The following COL1A2 variants were observed in gnomAD, a reference collection of about 807,000 sequenced individuals.
COL1A2 encodes the protein collagen type I alpha 2 chain.
COL1A2 carries 49 observed loss-of-function variants against 174.3 expected under a neutral mutation model. That is an observed-to-expected ratio of 0.28 (90% CI 0.22 to 0.36). The LOEUF (loss-of-function observed/expected upper bound fraction) is 0.36. Ranked by LOEUF, COL1A2 falls within the 10% of genes least tolerant of loss-of-function variation. COL1A2 has a pLI of 1.00. For synonymous variants in COL1A2, 655 were observed against 606.6 expected (o/e 1.08, Z -1.17); for missense variants, 1,438 against 1,822.7 (o/e 0.79, Z 3.84).
chr7:94,428,594 C>A, intron 50 of COL1A2, 117 bp downstream of exon 50: 1 of 986,136 alleles, frequency 1.0e-6, no homozygotes, highest in Non-Finnish European at 1.5e-6. Context: ...AAGACCTGTT[C>A]CTTTCCTGGG....
chr7:94,411,338 A>C (rs988193930), intron 23 of COL1A2, among the ~76,000 whole-genome samples, 184 bp downstream of exon 23: 1 of 152,114 alleles, frequency 6.6e-6, no homozygotes, highest in African/African-American at 2.4e-5. Flanking sequence ...TTAGTTCATA[A>C]ATTTTCTATT....
At position 94,427,055 on chromosome 7, in the gene COL1A2, T is replaced by C; in HGVS notation, c.3153T>C (p.Gly1051=). 6.2e-7 allele frequency: 1 copy of C among 1,614,042 alleles called. No individual in the cohort carries two copies. The highest frequency in any genetic ancestry group is 8.5e-7 in the Non-Finnish European group (1 of 1,179,922). Residue 1051 remains glycine (G), a synonymous_variant, in exon 47 of 52, where the codon GGT becomes GGC. Transcript: ENST00000297268. The part of the protein sequence containing the change: ...QGAPGSVGPA[G]PRGPAGPSGP... ...CTCCTGGCTCCGTGGGTCCTGCTGG[T>C]CCTAGGGTAGGTGGACTCAAGAGAA... is the stretch of plus-strand genomic sequence containing the variant.
At chr7:94,400,967 G>A (rs1238073252) in intron 5 of COL1A2, among the ~76,000 whole-genome samples, 1 of 152,146 alleles carries the variant, frequency 6.6e-6, no homozygotes, top group South Asian at 2.1e-4. Flanking sequence ...GCATTAAAAA[G>A]CAGCTTCTTT....
In COL1A2 at chr7:94,412,598, C is replaced by T. The variant is rs543815305; in HGVS notation, c.1419C>T (p.Ile473=). ...TCTGCTTTCAGGGCCTCCCTGGCAT[C>T]GACGGCAGGCCTGGCCCAATTGGCC... is the stretch of plus-strand genomic sequence containing the variant. ...GKEGPVGLPG[I]DGRPGPIGPA... Residue 473 remains isoleucine (I), a synonymous_variant, in exon 25 of 52, where the codon ATC becomes ATT. Transcript: ENST00000297268. 1.2e-5 allele frequency: 19 copies of T among 1,613,770 alleles called. 1 individual carries two copies. The African/African-American group carries it at 1.3e-4, about 11-fold the overall frequency.
At chr7:94,407,401 T>C (rs1274570953) in intron 12 of COL1A2, among the ~76,000 whole-genome samples, 2 of 152,092 alleles carry the variant, frequency 1.3e-5, no homozygotes, top group East Asian at 1.9e-4. Context: ...AGATTGGAAA[T>C]AAATATGATG....
In COL1A2 at chr7:94,424,339, C is replaced by T. The variant is rs150179964; in HGVS notation, c.2569C>T (p.Pro857Ser). The T allele has an allele frequency of 5.3e-5, 85 of 1,613,738 alleles. No individual in the cohort carries two copies. The highest frequency in any genetic ancestry group is 7.2e-5 in the Non-Finnish European group (85 of 1,179,796). Reference sequence around the variant, plus strand: ...TCAGTATTTTTTCTCTATTTAGGGACCTCCTGGCACTCCAGGTCCTCAGGG... The same window carrying T: ...TCAGTATTTTTTCTCTATTTAGGGATCTCCTGGCACTCCAGGTCCTCAGGG... ...GPSGEAGTAG[P>S]PGTPGPQGLL... The change falls in exon 41 of 52, where the codon CCT (proline) becomes TCT (serine). Residue 857 changes from proline to serine, a missense_variant. Physicochemically the swap from Pro to Ser is moderately conservative, Grantham distance 74 (BLOSUM62 -1). This residue lies in a region of COL1A2 where 867 missense variants were observed against 1,213.7 expected (regional missense o/e 0.71). Transcript: ENST00000297268.
chr7:94,424,926 C>G, intron 41 of COL1A2, 191 bp from the exon 42 acceptor site: 1 of 625,476 alleles, frequency 1.6e-6, no homozygotes, highest in South Asian at 1.8e-5. Context: ...TTACATAAAG[C>G]TGGCCATCTA....
Position 94,426,950 on chromosome 7 carries a change from AAAAT to A in COL1A2, c.3106-56_3106-53del, listed in dbSNP as rs1286754154. The A allele has an allele frequency of 3.0e-5, 47 of 1,546,198 alleles. 1 individual carries two copies. Among genetic ancestry groups the A allele is most frequent in the Non-Finnish European group, 4.1e-5 (46 of 1,124,018 alleles). On this transcript the variant is annotated intron_variant, in intron 46 of 51. Transcript: ENST00000297268. Reference sequence around the variant, plus strand: ...TCCCATTCAATTTGGAAAAAAAAAAAAAATATGTCTCTTGACATGTGCTCTGAAA... The same window carrying A: ...TCCCATTCAATTTGGAAAAAAAAAAAATGTCTCTTGACATGTGCTCTGAAA...
At chr7:94,397,894 T>C (rs1422688373) in intron 2 of COL1A2, 136 bp downstream of exon 2, 1 of 580,178 alleles carries the variant, frequency 1.7e-6, no homozygotes. Flanking sequence ...AGAATTATGA[T>C]AGTCAAAACC....
intron 16 of COL1A2, 118 bp from the exon 17 acceptor site, chr7:94,409,204 A>G: frequency 1.0e-6 from 1 of 993,820 alleles, no homozygotes; most frequent in South Asian, 1.3e-5. Context: ...AACGGATAAG[A>G]AAAATAATTG....
In COL1A2 at chr7:94,419,971, A is replaced by C. The variant is rs192732005; in HGVS notation, c.2080-262A>C. Among the ~76,000 whole-genome samples, 572 of 152,350 alleles carry C rather than the reference A, an allele frequency of 3.8e-3. 8 individuals carry two copies. The highest frequency in any genetic ancestry group is 0.013 in the African/African-American group (540 of 41,580). ...AAATAGATCAGCCCCGTGTCCATCT[A>C]AAAATTAAAATGTCCTCCTCCTGGT... On this transcript the variant is annotated intron_variant, in intron 34 of 51. Coordinates refer to ENST00000297268, the MANE Select transcript of COL1A2 (RefSeq NM_000089.4).
intron 40 of COL1A2, chr7:94,423,319 C>A (rs550351072): frequency 4.8e-6 from 3 of 621,938 alleles, no homozygotes; most frequent in East Asian, 5.8e-5. Flanking sequence ...ATCGGGAAGA[C>A]AATAAATGAG....
intron 49 of COL1A2, 114 bp from the exon 50 acceptor site, chr7:94,428,179 G>A (rs1792323730): frequency 6.1e-6 from 6 of 980,986 alleles, no homozygotes; most frequent in South Asian, 1.3e-5. Flanking sequence ...TTAAATATGG[G>A]GTAGACAATC....
At chr7:94,424,996 T>C in intron 41 of COL1A2, 121 bp from the exon 42 acceptor site, 1 of 821,590 alleles carries the variant, frequency 1.2e-6, no homozygotes, top group South Asian at 1.5e-5. Context: ...GTGTGACCCA[T>C]TCACATTCAA....
Position 94,425,857 on chromosome 7 carries a change from T to C in COL1A2, c.2943T>C (p.Thr981=). ...PAGKHGNRGE[T]GPSGPVGPAG... ...GCAAACATGGAAACCGTGGTGAAAC[T>C]GTAAGTTTGTGAATACCAGTCCCTC... Residue 981 remains threonine, a splice_region_variant and synonymous_variant, in exon 44 of 52, where the codon ACT becomes ACC. Coordinates refer to ENST00000297268, the MANE Select transcript of COL1A2 (RefSeq NM_000089.4). The C allele has an allele frequency of 1.9e-6, 3 of 1,608,910 alleles. No individual in the cohort carries two copies. Among genetic ancestry groups the C allele is most frequent in the Non-Finnish European group, 2.5e-6 (3 of 1,177,424 alleles).
In COL1A2 at chr7:94,404,674, C is replaced by G; in HGVS notation, c.325-19C>G. ...TAAGAAATAAAGGCTTGGAGTATGACATTCTTTTTTTCTTTTAGGGCCCTC... is the reference window on the plus strand; with the variant it reads ...TAAGAAATAAAGGCTTGGAGTATGAGATTCTTTTTTTCTTTTAGGGCCCTC... On this transcript the variant is annotated intron_variant, in intron 7 of 51. Transcript: ENST00000297268. The G allele has an allele frequency of 6.2e-7, 1 of 1,614,064 alleles. No individual in the cohort carries two copies. Among genetic ancestry groups the G allele is most frequent in the Non-Finnish European group, 8.5e-7 (1 of 1,179,958 alleles).
Position 94,398,334 on chromosome 7 carries a change from T to G in COL1A2, c.82-48T>G, listed in dbSNP as rs1455927716. 4 of 689,826 alleles carry G rather than the reference T, an allele frequency of 5.8e-6. No homozygotes were observed. In the African/African-American group the frequency reaches 7.7e-5, roughly 13 times the overall value. 42.7% of individuals were successfully genotyped at this position (689,826 alleles called of 1,614,324 possible). A position where few individuals can be genotyped will look rare whatever the true frequency, so the allele number is the denominator to read the frequency against. On this transcript the variant is annotated intron_variant, in intron 2 of 51. Transcript: ENST00000297268. Reference sequence around the variant, plus strand: ...CCAAAATGGAAGCTGTTTTTAAATATATATATACAATTTTCTTCATAATAA... The same window carrying G: ...CCAAAATGGAAGCTGTTTTTAAATAGATATATACAATTTTCTTCATAATAA...
chr7:94,428,154 G>A (rs907451008), intron 49 of COL1A2, 139 bp from the exon 50 acceptor site: 2 of 860,932 alleles, frequency 2.3e-6, no homozygotes, highest in African/African-American at 1.7e-5. Flanking sequence ...CTTAAAAATA[G>A]CCACCCTCTT....
chr7:94,413,302 A>G (rs1399718111), intron 26 of COL1A2, among the ~76,000 whole-genome samples, 166 bp downstream of exon 26: 2 of 151,406 alleles, frequency 1.3e-5, no homozygotes, highest in Non-Finnish European at 3.0e-5. Context: ...AACTTATAAA[A>G]CAGTGAGCAA....
Sources: gnomAD v4.1 joint callset for allele counts (sites outside exome capture counted in the v4.1 genomes callset) on GRCh38, gnomAD v4.1.1 for gene constraint, gnomAD v4.1.1 regional missense constraint, MANE v1.5 for transcripts, NCBI Gene and HGNC (gene_info 2026-07-23, HGNC 2026-07-21) for gene names.